Variants in SVEP1 observed in about 807,000 individuals in gnomAD.
SVEP1 encodes the protein sushi, von Willebrand factor type A, EGF and pentraxin domain containing 1.
SVEP1 carries 164 observed loss-of-function variants against 367.3 expected under a neutral mutation model. That is an observed-to-expected ratio of 0.45 (90% CI 0.39 to 0.51). SVEP1 has a LOEUF of 0.51. Among genes scored for constraint, SVEP1 ranks in the 20% least tolerant of loss-of-function variants. SVEP1 has a pLI of 0.00. For missense variants in SVEP1, 4,117 were observed against 4,425.3 expected (o/e 0.93, Z 1.98); for synonymous variants, 1,666 against 1,611.6 (o/e 1.03, Z -0.81).
rs750017732 is a variant in SVEP1, at chr9:110,370,023, T to TA, written c.10601-8dup. ...CAGGGAGACTGGCAAACAGCTGGAA[T>TA]AAAAAACCCATGCATTTATTTAATT... On this transcript the variant is annotated splice_region_variant and splice_polypyrimidine_tract_variant and intron_variant, in intron 46 of 47. Coordinates refer to ENST00000374469, the MANE Select transcript of SVEP1 (RefSeq NM_153366.4). The TA allele has an allele frequency of 6.9e-5, 111 of 1,610,558 alleles. No homozygotes were observed. Among genetic ancestry groups the TA allele is most frequent in the South Asian group, 4.0e-4 (36 of 90,672 alleles).
At chr9:110,521,946 T>C (rs1220725307) in intron 3 of SVEP1, among the ~76,000 whole-genome samples, 1 of 152,160 alleles carries the variant, frequency 6.6e-6, no homozygotes, top group Non-Finnish European at 1.5e-5. Flanking sequence ...TTGAACAGCT[T>C]TTCTCTAAAC....
chr9:110,411,305 G>T lies in SVEP1; in HGVS notation c.6406C>A (p.Pro2136Thr). The T allele has an allele frequency of 6.2e-7, 1 of 1,614,008 alleles. No individual in the cohort carries two copies. The highest frequency in any genetic ancestry group is 8.5e-7 in the Non-Finnish European group (1 of 1,179,902). Residue 2136 changes from proline (P) to threonine (T), a missense_variant, in exon 37 of 48, where the codon CCC becomes ACC. Pro to Thr is a conservative substitution (Grantham distance 38, BLOSUM62 -1). Coordinates refer to ENST00000374469, the MANE Select transcript of SVEP1 (RefSeq NM_153366.4). The part of the protein sequence containing the change: ...CMRGGQWNPS[P>T]MSIQCIPVRC... ...ACAGGGATGCACTGGATGGACATGG[G>T]GGAAGGGTTCCACTGCCCACCTCTC...
chr9:110,391,253 T>C (rs561511937), intron 40 of SVEP1, among the ~76,000 whole-genome samples: 4 of 149,052 alleles, frequency 2.7e-5, no homozygotes, highest in African/African-American at 9.9e-5. Context: ...AGCAACCTGA[T>C]GGGTCATTAC....
chr9:110,486,529 TTCTC>T (rs531140626), intron 9 of SVEP1, among the ~76,000 whole-genome samples: 7 of 151,006 alleles, frequency 4.6e-5, no homozygotes, highest in Non-Finnish European at 8.9e-5. Flanking sequence ...TGTATTTTCT[TTCTC>T]TCTCTCTCTC....
chr9:110,442,830 T>A (rs1347994725), intron 27 of SVEP1: 3 of 152,204 alleles, frequency 2.0e-5, no homozygotes, highest in Admixed American at 6.5e-5. Flanking sequence ...ACCGCATTTT[T>A]ATGAAGTTTA....
chr9:110,416,552 TC>T (rs1169255731), intron 36 of SVEP1, among the ~76,000 whole-genome samples: 2 of 151,640 alleles, frequency 1.3e-5, no homozygotes, highest in Non-Finnish European at 2.9e-5. Flanking sequence ...TAGTAAGACA[TC>T]CATAAAGATA....
intron 3 of SVEP1, among the ~76,000 whole-genome samples, chr9:110,515,297 T>C (rs1264763438): frequency 1.4e-3 from 4 of 2,762 alleles, no homozygotes; most frequent in East Asian, 6.5e-3. Flanking sequence ...TATGTGGGGA[T>C]TTTTTTTTTT....
intron 4 of SVEP1, among the ~76,000 whole-genome samples, chr9:110,513,687 A>G (rs1392001845): frequency 6.6e-6 from 1 of 152,122 alleles, no homozygotes; most frequent in Non-Finnish European, 1.5e-5. Flanking sequence ...TTCATTTTAA[A>G]TGTTTTCCAA....
At chr9:110,502,742 A>T (rs1229575073) in intron 6 of SVEP1, among the ~76,000 whole-genome samples, 4 of 151,874 alleles carry the variant, frequency 2.6e-5, no homozygotes, top group African/African-American at 7.3e-5. Flanking sequence ...TTTGCATTTT[A>T]AAAAAAAATC....
Position 110,458,575 on chromosome 9 carries a change from T to A in SVEP1, c.3485-13A>T, listed in dbSNP as rs755925254. On this transcript the variant is annotated splice_polypyrimidine_tract_variant and intron_variant, in intron 19 of 47. Transcript: ENST00000374469. ...GTTGAACTAAAACCTAATCAATTAA[T>A]AGAAAAACATGTCAGTGTGGCAAAT... 4 of 1,599,758 alleles carry A rather than the reference T, an allele frequency of 2.5e-6. No individual in the cohort carries two copies. The African/African-American group carries it at 5.3e-5, about 21-fold the overall frequency.
intron 1 of SVEP1, among the ~76,000 whole-genome samples, chr9:110,563,812 T>A (rs563218199): frequency 4.6e-4 from 70 of 152,298 alleles, no homozygotes; most frequent in African/African-American, 1.6e-3. Flanking sequence ...TCTTTGTATA[T>A]CTTCTTCATT....
chr9:110,430,125 T>TCTG, intron 33 of SVEP1, 121 bp from the exon 34 acceptor site: 2 of 1,062,728 alleles, frequency 1.9e-6, no homozygotes, highest in Non-Finnish European at 2.6e-6. Flanking sequence ...TTTTTTTTGG[T>TCTG]GTGTGTGTGT....
chr9:110,393,311 C>A (rs1827696781), intron 40 of SVEP1, among the ~76,000 whole-genome samples: 1 of 152,202 alleles, frequency 6.6e-6, no homozygotes. Context: ...TGGTCCCAGA[C>A]TGCATATACC....
chr9:110,416,549 A>C (rs1214784920), intron 36 of SVEP1, among the ~76,000 whole-genome samples: 2 of 152,036 alleles, frequency 1.3e-5, no homozygotes, highest in Admixed American at 1.3e-4. Context: ...ATCTAGTAAG[A>C]CATCCATAAA....
chr9:110,478,766 T>C (rs1339504372), intron 13 of SVEP1, among the ~76,000 whole-genome samples: 1 of 152,196 alleles, frequency 6.6e-6, no homozygotes, highest in Non-Finnish European at 1.5e-5. Flanking sequence ...GGTGTACTTG[T>C]AACGTGCTTG....
intron 24 of SVEP1, 48 bp from the exon 25 acceptor site, chr9:110,447,105 C>T: frequency 3.0e-6 from 4 of 1,346,706 alleles, no homozygotes; most frequent in Non-Finnish European, 3.8e-6. Context: ...TGTAGGAAGT[C>T]TCCCATTTAT....
In SVEP1 at chr9:110,507,276, C is replaced by T. The variant is rs544030477; in HGVS notation, c.1304-4059G>A. On this transcript the variant is annotated intron_variant, in intron 5 of 47. Transcript: ENST00000374469. Reference sequence around the variant, plus strand: ...AGACTCCGGGTGGGATATATTTTTTCTTCTTCTACTTTTCTGCATTTGCCA... The same window carrying T: ...AGACTCCGGGTGGGATATATTTTTTTTTCTTCTACTTTTCTGCATTTGCCA... Among the ~76,000 whole-genome samples the T allele has an allele frequency of 6.6e-5, 10 of 152,246 alleles. No individual in the cohort carries two copies. In the East Asian group the frequency reaches 1.9e-3, roughly 29 times the overall value.
rs1299207212 is a variant in SVEP1, at chr9:110,499,255, G to A, written c.1484-17C>T. On this transcript the variant is annotated splice_polypyrimidine_tract_variant and intron_variant, in intron 6 of 47. Coordinates refer to ENST00000374469, the MANE Select transcript of SVEP1 (RefSeq NM_153366.4). ...AGTGGCGCTCTACGGTAGGGAAACA[G>A]AGAGAATGTTATTTGTGTTCCCACA... 1 of 1,592,526 alleles carries A rather than the reference G, an allele frequency of 6.3e-7. No homozygotes were observed. Among genetic ancestry groups the A allele is most frequent in the Non-Finnish European group, 8.6e-7 (1 of 1,167,658 alleles).
chr9:110,369,952 A>AAGAC lies in SVEP1; in HGVS notation c.10661_10664dup (p.Ser3557PhefsTer7), dbSNP rs766954737. ...AACAGTTATGTCCCGTCCAAGAAGA[A>AAGAC]AGACAGTGACATCGGTTTGGTCTTA... On this transcript the variant is annotated frameshift_variant, in exon 47 of 48. Transcript: ENST00000374469. LOFTEE classifies it high-confidence loss of function. 1 of 1,613,384 alleles carries AAGAC rather than the reference A, an allele frequency of 6.2e-7. No individual in the cohort carries two copies. Among genetic ancestry groups the AAGAC allele is most frequent in the South Asian group, 1.1e-5 (1 of 91,020 alleles).
Sources: allele counts gnomAD v4.1 joint callset (sites outside exome capture counted in the v4.1 genomes callset), GRCh38; gene constraint gnomAD v4.1.1; transcripts MANE v1.5; gene names NCBI Gene and HGNC (gene_info 2026-07-23, HGNC 2026-07-21).